The following THSD7B variants were observed in gnomAD, a reference collection of about 807,000 sequenced individuals.
THSD7B encodes thrombospondin type-1 domain-containing protein 7B.
In THSD7B, 138 loss-of-function variants were observed where a neutral mutation model predicts 213.6. The observed-to-expected ratio is 0.65, with a 90% confidence interval of 0.56 to 0.74. The LOEUF is 0.74. Among genes scored for constraint, THSD7B ranks in the 30% least tolerant of loss-of-function variants. The pLI is 0.00. For missense variants in THSD7B, 1,931 were observed against 1,991.5 expected (o/e 0.97, Z 0.58); for synonymous variants, 742 against 687.0 (o/e 1.08, Z -1.25).
At chr2:137,647,447 C>A (rs1355962621) in intron 21 of THSD7B, among the ~76,000 whole-genome samples, 1 of 124,740 alleles carries the variant, frequency 8.0e-6, no homozygotes, top group Non-Finnish European at 1.7e-5. Context: ...CTCTCCCCAA[C>A]CCCCCCGCCC....
chr2:137,252,265 T>TG (rs1452229364), intron 10 of THSD7B, among the ~76,000 whole-genome samples: 1 of 11,702 alleles, frequency 8.5e-5, no homozygotes, highest in African/African-American at 4.2e-4. Flanking sequence ...AGACTCTGTC[T>TG]CAAAAAAAAA....
chr2:136,793,664 A>G (rs1331185088), intron 1 of THSD7B, among the ~76,000 whole-genome samples: 1 of 151,860 alleles, frequency 6.6e-6, no homozygotes, highest in African/African-American at 2.4e-5. Flanking sequence ...ATATTGCTGC[A>G]TTTCATTTAC....
At chr2:136,879,403 C>CT (rs1039374221) in intron 1 of THSD7B, among the ~76,000 whole-genome samples, 62 of 152,242 alleles carry the variant, frequency 4.1e-4, no homozygotes, top group Middle Eastern at 6.8e-3. Context: ...AATGTGTGCT[C>CT]TTTTTTGGTT....
At chr2:136,787,164 TA>T in intron 1 of THSD7B, among the ~76,000 whole-genome samples, 1 of 152,164 alleles carries the variant, frequency 6.6e-6, no homozygotes, top group Non-Finnish European at 1.5e-5. Context: ...CATAATCCAA[TA>T]TTATTCAGAA....
At chr2:137,616,434 C>T (rs896590721) in intron 18 of THSD7B, 118 bp downstream of exon 18, 2 of 874,496 alleles carry the variant, frequency 2.3e-6, no homozygotes, top group Non-Finnish European at 3.5e-6. Context: ...GAGTGTATTG[C>T]ATAAAAGCCT....
intron 4 of THSD7B, among the ~76,000 whole-genome samples, chr2:137,107,572 C>T (rs572169096): frequency 1.3e-5 from 2 of 152,240 alleles, no homozygotes; most frequent in East Asian, 3.9e-4. Flanking sequence ...GACCTGGATT[C>T]TCCAGGTACT....
At chr2:137,140,909 A>G (rs1387047144) in intron 5 of THSD7B, among the ~76,000 whole-genome samples, 1 of 152,200 alleles carries the variant, frequency 6.6e-6, no homozygotes, top group Non-Finnish European at 1.5e-5. Context: ...AAGAGTGGGT[A>G]CTGCTTCAAA....
chr2:137,074,106 T>A (rs2104895641), intron 3 of THSD7B, among the ~76,000 whole-genome samples: 1 of 150,978 alleles, frequency 6.6e-6, no homozygotes, highest in East Asian at 1.9e-4. Flanking sequence ...TAGGTCCGCT[T>A]GGTACAGAGC....
intron 12 of THSD7B, among the ~76,000 whole-genome samples, chr2:137,286,786 C>G (rs78576314): frequency 6.6e-6 from 1 of 152,100 alleles, no homozygotes; most frequent in Admixed American, 6.5e-5. Context: ...AAATGAGCTA[C>G]CTTATCCACG....
chr2:137,264,087 T>C (rs771699811), intron 10 of THSD7B, among the ~76,000 whole-genome samples: 3 of 152,192 alleles, frequency 2.0e-5, no homozygotes, highest in Non-Finnish European at 4.4e-5. Context: ...GTTGCCTACA[T>C]GTAGCAGGTA....
At chr2:136,892,593 T>G (rs1683881759) in intron 2 of THSD7B, among the ~76,000 whole-genome samples, 3 of 151,964 alleles carry the variant, frequency 2.0e-5, no homozygotes, top group African/African-American at 7.3e-5. Context: ...CTCTTTTGAA[T>G]GATATACCTC....
intron 1 of THSD7B, among the ~76,000 whole-genome samples, chr2:136,823,937 G>C (rs889528796): frequency 1.3e-5 from 2 of 152,146 alleles, no homozygotes; most frequent in African/African-American, 4.8e-5. Context: ...CTGAACATTT[G>C]ATCATAATTG....
At chr2:136,900,682 T>C (rs1684048944) in intron 2 of THSD7B, among the ~76,000 whole-genome samples, 1 of 152,196 alleles carries the variant, frequency 6.6e-6, no homozygotes, top group Admixed American at 6.5e-5. Flanking sequence ...TACATACCAC[T>C]CACTTTCATT....
intron 14 of THSD7B, among the ~76,000 whole-genome samples, chr2:137,424,277 C>G (rs1686991207): frequency 6.6e-6 from 1 of 152,054 alleles, no homozygotes; most frequent in Admixed American, 6.6e-5. Flanking sequence ...CTACACCACC[C>G]AAAGCACTAG....
chr2:137,281,863 C>A (rs963105220), intron 12 of THSD7B, among the ~76,000 whole-genome samples: 6 of 152,048 alleles, frequency 3.9e-5, no homozygotes, highest in African/African-American at 1.4e-4. Flanking sequence ...GCAATAAACA[C>A]ACGTGTGCAT....
chr2:137,393,822 G>T (rs1686105312), intron 12 of THSD7B, among the ~76,000 whole-genome samples: 1 of 141,464 alleles, frequency 7.1e-6, no homozygotes, highest in African/African-American at 2.6e-5. Flanking sequence ...TCCAGCACCT[G>T]TTGTTTCCTG....
chr2:137,400,356 A>C (rs1686323758), intron 12 of THSD7B, among the ~76,000 whole-genome samples: 1 of 152,008 alleles, frequency 6.6e-6, no homozygotes, highest in African/African-American at 2.4e-5. Context: ...CTAGAGCAAC[A>C]GTAGCTTCTT....
At chr2:136,833,904 C>T (rs1020705462) in intron 1 of THSD7B, among the ~76,000 whole-genome samples, 1 of 152,166 alleles carries the variant, frequency 6.6e-6, no homozygotes, top group African/African-American at 2.4e-5. Flanking sequence ...CTAAAAGTTT[C>T]ACTCATCTAA....
chr2:137,360,660 C>T (rs1213028992), intron 12 of THSD7B, among the ~76,000 whole-genome samples: 1 of 152,128 alleles, frequency 6.6e-6, no homozygotes, highest in Non-Finnish European at 1.5e-5. Context: ...AGGGGAGGGG[C>T]GTCTGCCATT....
Sources: gnomAD v4.1 joint callset for allele counts (sites outside exome capture counted in the v4.1 genomes callset) on GRCh38, gnomAD v4.1.1 for gene constraint, MANE v1.5 for transcripts, NCBI Gene and HGNC (gene_info 2026-07-23, HGNC 2026-07-21) for gene names.